CRB1: variants seen among roughly 807,000 people sequenced by gnomAD.
CRB1 encodes crumbs cell polarity complex component 1.
A neutral mutation model predicts 120.0 loss-of-function variants in CRB1; 83 were observed. The observed-to-expected ratio is 0.69, with a 90% CI of 0.58 to 0.83. The LOEUF is 0.83. Among genes scored for constraint, CRB1 ranks in the 40% least tolerant of loss-of-function variants. The pLI is 0.00. For missense variants in CRB1, 1,699 were observed against 1,687.6 expected, an observed-to-expected ratio of 1.01 and a Z score of -0.12; for synonymous variants, 625 against 612.5, an observed-to-expected ratio of 1.02 and a Z score of -0.30.
the CRB1 span, among the ~76,000 whole-genome samples, chr1:197,217,293 A>G: frequency 6.6e-6 from 1 of 152,130 alleles, no homozygotes; most frequent in African/African-American, 2.4e-5. Flanking sequence ...CTCAACATCA[A>G]ACATGTGACC....
intron 1 of CRB1, among the ~76,000 whole-genome samples, chr1:197,308,969 GGTATATATGCAT>G (rs535777203): frequency 9.6e-4 from 144 of 149,488 alleles, no homozygotes; most frequent in African/African-American, 3.2e-3. Context: ...TATATATGTG[GGTATATATGCAT>G]GTATATATGC....
At chr1:197,313,350 G>C (rs945536697) in intron 1 of CRB1, among the ~76,000 whole-genome samples, 2 of 152,058 alleles carry the variant, frequency 1.3e-5, no homozygotes, top group Non-Finnish European at 2.9e-5. Flanking sequence ...CACATTTTTT[G>C]GGTGAATGTG....
intron 1 of CRB1, among the ~76,000 whole-genome samples, chr1:197,322,561 CTGTT>C (rs1270339444): frequency 3.3e-5 from 5 of 151,522 alleles, no homozygotes; most frequent in Non-Finnish European, 7.4e-5. Flanking sequence ...ATTAATTTGC[CTGTT>C]TGTTTTTCGT....
At chr1:197,344,994 T>C (rs1659686370) in intron 3 of CRB1, among the ~76,000 whole-genome samples, 1 of 152,228 alleles carries the variant, frequency 6.6e-6, no homozygotes, top group Admixed American at 6.5e-5. Flanking sequence ...AGCCATGTGA[T>C]TCTGCTTCAA....
chr1:197,209,455 C>T, the CRB1 span, among the ~76,000 whole-genome samples: 300 of 152,286 alleles, frequency 2.0e-3, 1 homozygote, highest in Middle Eastern at 0.024. Context: ...AAGCAGTTCT[C>T]CTGCCTTAGC....
chr1:197,427,659 C>G lies in CRB1; in HGVS notation c.2334C>G (p.Asn778Lys), dbSNP rs765210114. The change falls in exon 7 of 12, where the codon AAC (asparagine) becomes AAG (lysine). Residue 778 changes from asparagine to lysine, a missense_variant. Physicochemically the swap from Asn to Lys is moderately conservative, Grantham distance 94. Transcript: ENST00000367400. The part of the protein sequence containing the change: ...ERGRLAMLTP[N>K]SPKLVVKFVL... ...GCAGACTAGCAATGCTGACTCCAAA[C>G]TCTCCCAAATTAGTAGTAAAATTTG... is the stretch of plus-strand genomic sequence containing the variant. 9 of 1,613,816 alleles carry G rather than the reference C, an allele frequency of 5.6e-6. No homozygotes were observed. In the Admixed American group the frequency reaches 1.2e-4, roughly 21 times the overall value.
At position 197,435,340 on chromosome 1, in the gene CRB1, C is replaced by CTTA; in HGVS notation, c.3478_3479insTAT (p.Ser1159_Ser1160insLeu). ...GAGGAAACTGTGAAGACATCTATAGCTCTTATCATTGCTCCTGTCCCTTGG... is the reference window on the plus strand; with the variant it reads ...GAGGAAACTGTGAAGACATCTATAGCTTATCTTATCATTGCTCCTGTCCCTTGG... On this transcript the variant is annotated inframe_insertion, in exon 9 of 12. Transcript: ENST00000367400. 6.2e-7 allele frequency: 1 copy of CTTA among 1,613,706 alleles called. No individual in the cohort carries two copies. The highest frequency in any genetic ancestry group is 1.3e-5 in the African/African-American group (1 of 75,002).
At chr1:197,326,883 TTAAAA>T (rs1213994000) in intron 1 of CRB1, among the ~76,000 whole-genome samples, 1 of 151,460 alleles carries the variant, frequency 6.6e-6, no homozygotes, top group Non-Finnish European at 1.5e-5. Context: ...ATTCTCTTTC[TTAAAA>T]TAAAATTCCT....
intron 1 of CRB1, among the ~76,000 whole-genome samples, chr1:197,286,206 TAGAG>T (rs773800304): frequency 1.4e-4 from 22 of 151,996 alleles, no homozygotes; most frequent in Non-Finnish European, 2.4e-4. Context: ...TTCTAGAAAA[TAGAG>T]AGAAGGTTAC....
chr1:197,228,791 G>T, the CRB1 span, among the ~76,000 whole-genome samples: 2 of 152,144 alleles, frequency 1.3e-5, no homozygotes, highest in Non-Finnish European at 2.9e-5. Flanking sequence ...AGACTGGGAA[G>T]AAAAAGAGGT....
At chr1:197,210,607 A>T in the CRB1 span, among the ~76,000 whole-genome samples, 4 of 152,010 alleles carry the variant, frequency 2.6e-5, no homozygotes, top group Non-Finnish European at 5.9e-5. Flanking sequence ...CAGTCTACCT[A>T]TCTAAGAGCC....
rs574198931 is a variant in CRB1 at position 197,478,364 on chromosome 1, T to C, written c.*485T>C. The C allele has an allele frequency of 5.8e-6, 1 of 171,400 alleles. No individual in the cohort carries two copies. Among genetic ancestry groups the C allele is most frequent in the South Asian group, 1.4e-4 (1 of 7,202 alleles). 10.6% of individuals were successfully genotyped at this position (171,400 alleles called of 1,614,324 possible). A position where few individuals can be genotyped will look rare whatever the true frequency, so the allele number is the denominator to read the frequency against. ...TATACCAGCGATGGGATGTATACTT[T>C]TGTCCTTCATTCATGGATTCAGAGA... On this transcript the variant is annotated 3_prime_UTR_variant, in exon 12 of 12. Coordinates refer to ENST00000367400, the MANE Select transcript of CRB1 (RefSeq NM_201253.3).
chr1:197,324,060 T>G (rs375842486), intron 1 of CRB1, among the ~76,000 whole-genome samples: 11 of 152,256 alleles, frequency 7.2e-5, no homozygotes, highest in South Asian at 2.1e-4. Context: ...GAGCTAATAG[T>G]AGAATAGGGA....
At chr1:197,213,409 C>T in the CRB1 span, among the ~76,000 whole-genome samples, 2 of 152,116 alleles carry the variant, frequency 1.3e-5, no homozygotes, top group African/African-American at 4.8e-5. Context: ...TAGAAAGCAG[C>T]TGCTGAAATG....
the CRB1 span, among the ~76,000 whole-genome samples, chr1:197,224,365 A>G: frequency 6.6e-6 from 1 of 152,322 alleles, no homozygotes; most frequent in Admixed American, 6.5e-5. Context: ...GCAGAAACAC[A>G]TTAAAGTTTT....
intron 5 of CRB1, among the ~76,000 whole-genome samples, chr1:197,365,626 CTTTTT>C (rs375542477): frequency 8.2e-6 from 1 of 121,890 alleles, no homozygotes. Flanking sequence ...TCTTCTTCTT[CTTTTT>C]TTTTTTTTTT....
chr1:197,324,266 C>T (rs921493829), intron 1 of CRB1, among the ~76,000 whole-genome samples: 1 of 152,124 alleles, frequency 6.6e-6, no homozygotes, highest in African/African-American at 2.4e-5. Flanking sequence ...ACCCCCAAAA[C>T]TCTCTTTGCA....
Position 197,478,121 on chromosome 1 carries a change from G to C in CRB1, c.*242G>C, listed in dbSNP as rs1201962698. On this transcript the variant is annotated 3_prime_UTR_variant, in exon 12 of 12. Transcript: ENST00000367400. ...GCCAGTAATTTCAGCCTTATAATTA[G>C]CAAAAACATCTTCCAGAGAATAAAG... is the stretch of plus-strand genomic sequence containing the variant. 2 of 525,048 alleles carry C rather than the reference G, an allele frequency of 3.8e-6. No homozygotes were observed. The highest frequency in any genetic ancestry group is 6.9e-6 in the Non-Finnish European group (2 of 291,304). The allele number at this position is 525,048 out of a possible 1,614,324, so 32.5% of individuals were successfully genotyped here.
chr1:197,347,506 T>G, intron 4 of CRB1, 27 bp downstream of exon 4: 1 of 1,611,828 alleles, frequency 6.2e-7, no homozygotes, highest in African/African-American at 1.3e-5. Context: ...CTTCCACCAA[T>G]TATTTTTCAT....
Sources: allele counts gnomAD v4.1 joint callset (sites outside exome capture counted in the v4.1 genomes callset), GRCh38; gene constraint gnomAD v4.1.1; transcripts MANE v1.5; gene names NCBI Gene and HGNC (gene_info 2026-07-23, HGNC 2026-07-21).